COL9A3: variants seen among roughly 807,000 people sequenced by gnomAD.
COL9A3 encodes the protein collagen type IX alpha 3 chain.
COL9A3 carries 82 observed loss-of-function variants against 110.2 expected under a neutral mutation model. That is an observed-to-expected ratio of 0.74 (90% confidence interval 0.62 to 0.89). The LOEUF (loss-of-function observed/expected upper bound fraction) is 0.89, where lower values mean the gene tolerates loss of function less well. Ranked by LOEUF, COL9A3 falls within the 40% of genes least tolerant of loss-of-function variation. The probability of loss-of-function intolerance (pLI) is 0.00; values close to 1 mark genes in which losing one functional copy is unlikely to be tolerated. For synonymous variants in COL9A3, 494 were observed against 403.8 expected (o/e 1.22, Z -2.68); for missense variants, 1,066 against 981.3 (o/e 1.09, Z -1.15).
intron 10 of COL9A3, among the ~76,000 whole-genome samples, 199 bp downstream of exon 10, chr20:62,822,831 C>T (rs1006260438): frequency 1.8e-5 from 2 of 112,556 alleles, no homozygotes; most frequent in Non-Finnish European, 4.0e-5. Context: ...CCCTTCCCAC[C>T]CTCCTCACCA....
At chr20:62,821,957 T>C (rs766366392) in intron 8 of COL9A3, 147 bp downstream of exon 8, 38 of 755,144 alleles carry the variant, frequency 5.0e-5, no homozygotes, top group Non-Finnish European at 9.1e-5. Flanking sequence ...CCCTGGCCAA[T>C]GATCCAGACC....
At chr20:62,838,534 C>G in intron 30 of COL9A3, 150 bp from the exon 31 acceptor site, 1 of 784,474 alleles carries the variant, frequency 1.3e-6, no homozygotes, top group Non-Finnish European at 2.2e-6. Flanking sequence ...CCCCGTCAAG[C>G]CCTACGCGTG....
At chr20:62,836,456 G>C (rs779282593) in intron 28 of COL9A3, 22 bp from the exon 29 acceptor site, 3 of 1,613,650 alleles carry the variant, frequency 1.9e-6, no homozygotes, top group Non-Finnish European at 2.5e-6. Context: ...CCATGCTGAC[G>C]AATGTGTGGG....
chr20:62,819,815 T>A (rs1170294222), intron 4 of COL9A3, 114 bp from the exon 5 acceptor site: 5 of 1,156,658 alleles, frequency 4.3e-6, no homozygotes, highest in African/African-American at 1.5e-5. Flanking sequence ...ACCCTAAGGG[T>A]CTTCTATGCC....
At position 62,837,106 on chromosome 20, in the gene COL9A3, C is replaced by T. The variant is rs1402821452; in HGVS notation, c.1627C>T (p.His543Tyr). The part of the protein sequence containing the change: ...ISEQIAQLAA[H>Y]LRKPLAPGSI... ...AGAACAAATTGCACAGTTAGCCGCG[C>T]ACCTAAGGAAGCCTTTGGCACCCGG... Residue 543 changes from histidine (H) to tyrosine (Y), a missense_variant, in exon 30 of 32, where the codon CAC becomes TAC. By Grantham distance (83) the His-to-Tyr change is moderately conservative. Coordinates refer to ENST00000649368, the MANE Select transcript of COL9A3 (RefSeq NM_001853.4). 14 of 1,613,446 alleles carry T rather than the reference C, an allele frequency of 8.7e-6. No individual in the cohort carries two copies. Among genetic ancestry groups the T allele is most frequent in the Non-Finnish European group, 1.2e-5 (14 of 1,180,032 alleles).
intron 5 of COL9A3, 38 bp downstream of exon 5, chr20:62,820,020 A>G: frequency 6.2e-7 from 1 of 1,609,250 alleles, no homozygotes; most frequent in Non-Finnish European, 8.5e-7. Context: ...TTGGGTTCAG[A>G]GGTGAGGTCC....
At position 62,829,824 on chromosome 20, in the gene COL9A3, G is replaced by A. The variant is rs557188373; in HGVS notation, c.1161+5G>A. ...GCTGGCCACCGGGGCTCAGCGGTGA[G>A]TGCAGGGACATGGCCCGGGGTCGGG... On this transcript the variant is annotated splice_donor_5th_base_variant and intron_variant, in intron 22 of 31. Coordinates refer to ENST00000649368, the MANE Select transcript of COL9A3 (RefSeq NM_001853.4). The A allele has an allele frequency of 5.6e-5, 88 of 1,565,768 alleles. No homozygotes were observed. In the Middle Eastern group the frequency reaches 5.6e-3, roughly 99 times the overall value.
At chr20:62,831,879 A>G in intron 24 of COL9A3, 1 of 537,658 alleles carries the variant, frequency 1.9e-6, no homozygotes, top group Non-Finnish European at 3.4e-6. Context: ...GCAATTGTGC[A>G]GAAACACCCG....
chr20:62,825,755 G>T (rs766347006), intron 12 of COL9A3, 62 bp from the exon 13 acceptor site: 1 of 1,500,200 alleles, frequency 6.7e-7, no homozygotes, highest in Non-Finnish European at 9.1e-7. Flanking sequence ...GTGACTGGAG[G>T]CACCGAAAGG....
In COL9A3 at chr20:62,836,308, G is replaced by C. The variant is rs1373430072; in HGVS notation, c.1523G>C (p.Gly508Ala). The change falls in exon 28 of 32, where the codon GGC becomes GCC. Residue 508 changes from glycine (G) to alanine (A), a missense_variant. By Grantham distance (60) the Gly-to-Ala change is moderately conservative. Transcript: ENST00000649368. ...CTGCAGGGCGTCCCGGGTGTTCCTG[G>C]CATCACGGGGAAGCCGGGAGTTCCG... ...LGLQGVPGVP[G>A]ITGKPGVPGK... 6.2e-7 allele frequency: 1 copy of C among 1,613,660 alleles called. No homozygotes were observed. The highest frequency in any genetic ancestry group is 8.5e-7 in the Non-Finnish European group (1 of 1,180,036).
chr20:62,829,695 G>T lies in COL9A3; in HGVS notation c.1107+14G>T. The stretch of plus-strand genomic sequence containing the variant: ...CCAGGCGTCCCTGTGAGTATCTGCG[G>T]CGCCCCAGACCCCTCCCCATCCAGC... On this transcript the variant is annotated intron_variant, in intron 21 of 31. Coordinates refer to ENST00000649368, the MANE Select transcript of COL9A3 (RefSeq NM_001853.4). 1.2e-6 allele frequency: 2 copies of T among 1,605,870 alleles called. No individual in the cohort carries two copies. Among genetic ancestry groups the T allele is most frequent in the Non-Finnish European group, 1.7e-6 (2 of 1,177,146 alleles).
At position 62,821,233 on chromosome 20, in the gene COL9A3, G is replaced by T. The variant is rs777868673; in HGVS notation, c.345+17G>T. The T allele has an allele frequency of 1.2e-6, 2 of 1,612,396 alleles. No homozygotes were observed. Among genetic ancestry groups the T allele is most frequent in the Non-Finnish European group, 1.7e-6 (2 of 1,179,182 alleles). On this transcript the variant is annotated intron_variant, in intron 6 of 31. Coordinates refer to ENST00000649368, the MANE Select transcript of COL9A3 (RefSeq NM_001853.4). ...GGGCTGGGGGTGAGTATGGAGTGTG[G>T]TCCTCTCCTCTCCATGGGAGTTTGG...
chr20:62,837,838 C>G (rs1285589421), intron 30 of COL9A3, among the ~76,000 whole-genome samples: 1 of 147,872 alleles, frequency 6.8e-6, no homozygotes, highest in Admixed American at 6.7e-5. Context: ...GAGGAATGGC[C>G]GGGTGCGGTG....
intron 10 of COL9A3, among the ~76,000 whole-genome samples, chr20:62,822,861 C>T (rs542618532): frequency 8.5e-5 from 13 of 152,120 alleles, no homozygotes; most frequent in Admixed American, 7.2e-4. Flanking sequence ...CCTGCACTGT[C>T]CCTCATGAAG....
intron 17 of COL9A3, 111 bp from the exon 18 acceptor site, chr20:62,828,653 G>A: frequency 8.2e-7 from 1 of 1,225,414 alleles, no homozygotes; most frequent in East Asian, 2.4e-5. Context: ...CAGGGTGTGG[G>A]GGCAGACACA....
intron 1 of COL9A3, 55 bp from the exon 2 acceptor site, chr20:62,817,512 C>G: frequency 7.7e-7 from 1 of 1,295,634 alleles, no homozygotes; most frequent in Non-Finnish European, 1.1e-6. Context: ...GGAGGGGACG[C>G]CGGGTCAGGC....
chr20:62,839,086 G>A (rs980209435), intron 31 of COL9A3, among the ~76,000 whole-genome samples: 1 of 152,122 alleles, frequency 6.6e-6, no homozygotes, highest in Non-Finnish European at 1.5e-5. Context: ...TGAGCCGGGC[G>A]TGGTGGCGGG....
intron 29 of COL9A3, chr20:62,836,836 G>T: frequency 1.6e-6 from 1 of 641,602 alleles, no homozygotes; most frequent in Non-Finnish European, 2.7e-6. Flanking sequence ...GGCTGGCAGG[G>T]CAGGTCCCTA....
chr20:62,826,143 T>C lies in COL9A3; in HGVS notation c.685-61T>C. 5.9e-6 allele frequency: 9 copies of C among 1,522,244 alleles called. No homozygotes were observed. In the South Asian group the frequency reaches 1.1e-4, roughly 18 times the overall value. The allele number at this position is 1,522,244 out of a possible 1,614,324, so 94.3% of individuals were successfully genotyped here. A position where few individuals can be genotyped will look rare whatever the true frequency, so the allele number is the denominator to read the frequency against. Reference sequence around the variant, plus strand: ...AGGGGTACCCCGAGGGCCTTGGCCCTGGGTGCTCCCCGGGGTGGAGGTGCA... The same window carrying C: ...AGGGGTACCCCGAGGGCCTTGGCCCCGGGTGCTCCCCGGGGTGGAGGTGCA... On this transcript the variant is annotated intron_variant, in intron 13 of 31. Coordinates refer to ENST00000649368, the MANE Select transcript of COL9A3 (RefSeq NM_001853.4).
Sources: allele counts gnomAD v4.1 joint callset (sites outside exome capture counted in the v4.1 genomes callset), GRCh38; gene constraint gnomAD v4.1.1; transcripts MANE v1.5; gene names NCBI Gene and HGNC (gene_info 2026-07-23, HGNC 2026-07-21).